Variants in SEL1L3 observed in about 807,000 individuals in gnomAD.
The protein encoded by SEL1L3 is protein sel-1 homolog 3.
SEL1L3 carries 76 observed loss-of-function variants against 142.8 expected under a neutral mutation model. That is an observed-to-expected ratio of 0.53 (90% CI 0.44 to 0.64). SEL1L3 has a LOEUF of 0.64. Among genes scored for constraint, SEL1L3 ranks in the 30% least tolerant of loss-of-function variants. The pLI is 0.00. For missense variants in SEL1L3, 1,262 were observed against 1,381.7 expected, an observed-to-expected ratio of 0.91 and a Z score of 1.37; for synonymous variants, 504 against 519.6, an observed-to-expected ratio of 0.97 and a Z score of 0.41.
Position 25,765,407 on chromosome 4 carries a change from GTAGTA to G in SEL1L3, c.2869_2873del (p.Tyr957LeufsTer31). 1 of 1,613,230 alleles carries G rather than the reference GTAGTA, an allele frequency of 6.2e-7. No individual in the cohort carries two copies. The highest frequency in any genetic ancestry group is 8.5e-7 in the Non-Finnish European group (1 of 1,179,194). On this transcript the variant is annotated frameshift_variant, in exon 20 of 24. Transcript: ENST00000399878. LOFTEE classifies it high-confidence loss of function. ...CTTGTGACTGGTTTTGGTGGCCATA[GTAGTA>G]AAGGTCTCCCATCTTCAAATATGCT...
downstream of SEL1L3, among the ~76,000 whole-genome samples, chr4:25,744,348 CTTTTTTT>C (rs35155388): frequency 3.0e-5 from 3 of 101,426 alleles, no homozygotes; most frequent in Non-Finnish European, 3.8e-5. Flanking sequence ...ATGTGTGAGT[CTTTTTTT>C]TTTTTTTTTT....
At chr4:25,847,993 A>G in intron 1 of SEL1L3, 129 bp from the exon 2 acceptor site, 1 of 646,528 alleles carries the variant, frequency 1.5e-6, no homozygotes, top group Non-Finnish European at 2.6e-6. Context: ...TGAATGCGGG[A>G]GATAAAAGAT....
chr4:25,819,127 A>T (rs1220820769), intron 8 of SEL1L3, among the ~76,000 whole-genome samples: 1 of 152,250 alleles, frequency 6.6e-6, no homozygotes, highest in East Asian at 1.9e-4. Flanking sequence ...TCAAACAGCA[A>T]GATCCACAGC....
intron 11 of SEL1L3, among the ~76,000 whole-genome samples, chr4:25,799,816 C>T (rs1431114338): frequency 2.0e-5 from 3 of 152,154 alleles, no homozygotes; most frequent in African/African-American, 7.2e-5. Flanking sequence ...TGTAAGAAAA[C>T]AGTCAGAGAT....
At chr4:25,831,510 AATTATT>A (rs71591516) in intron 5 of SEL1L3, among the ~76,000 whole-genome samples, 18,079 of 121,910 alleles carry the variant, frequency 0.15, 1,297 homozygotes, top group Middle Eastern at 0.21. Context: ...TAATAATAAT[AATTATT>A]ATTATTATTA....
chr4:25,831,222 T>A lies in SEL1L3; in HGVS notation c.1099-1066A>T, dbSNP rs917415714. ...GTGCTTTGCAAGTTGATGTCTAAAC[T>A]CCCTGATATCCAAGATTCTCTGCAT... On this transcript the variant is annotated intron_variant, in intron 5 of 23. Transcript: ENST00000399878. 3.9e-5 allele frequency among the ~76,000 whole-genome samples: 6 copies of A among 152,276 alleles called. No homozygotes were observed. In the East Asian group the frequency reaches 7.7e-4, roughly 20 times the overall value.
chr4:25,732,577 T>A, the SEL1L3 span, among the ~76,000 whole-genome samples: 11 of 152,238 alleles, frequency 7.2e-5, no homozygotes, highest in Non-Finnish European at 2.9e-5. Context: ...TTTCATTGAA[T>A]GATGACGTTC....
At chr4:25,777,654 A>G (rs1002068425) in intron 16 of SEL1L3, 14 of 363,474 alleles carry the variant, frequency 3.9e-5, no homozygotes, top group Middle Eastern at 8.3e-4. Flanking sequence ...CTCTGATCAC[A>G]GTGAAATTAA....
the SEL1L3 span, among the ~76,000 whole-genome samples, chr4:25,735,455 AT>A: frequency 6.7e-6 from 1 of 150,116 alleles, no homozygotes; most frequent in African/African-American, 2.4e-5. Flanking sequence ...AATGTTACTG[AT>A]TTTTTTCACA....
chr4:25,827,557 G>A (rs1193302389), intron 6 of SEL1L3, among the ~76,000 whole-genome samples: 1 of 152,146 alleles, frequency 6.6e-6, no homozygotes, highest in Non-Finnish European at 1.5e-5. Context: ...ATACATTTTT[G>A]TGTTTAAGCC....
chr4:25,778,497 G>A (rs1719787548), intron 16 of SEL1L3, among the ~76,000 whole-genome samples: 1 of 152,126 alleles, frequency 6.6e-6, no homozygotes, highest in African/African-American at 2.4e-5. Context: ...GTGCAAGAAA[G>A]GAAAAGTAAT....
At chr4:25,795,707 C>T (rs1712687965) in intron 11 of SEL1L3, among the ~76,000 whole-genome samples, 1 of 152,218 alleles carries the variant, frequency 6.6e-6, no homozygotes, top group Admixed American at 6.5e-5. Context: ...CTGCCACACC[C>T]AGGTGGGGGT....
chr4:25,823,489 G>A (rs560077359), intron 6 of SEL1L3, among the ~76,000 whole-genome samples: 3 of 152,080 alleles, frequency 2.0e-5, no homozygotes, highest in African/African-American at 7.2e-5. Context: ...ACTCCAACCT[G>A]GGTGACAAGA....
chr4:25,824,951 C>A (rs1054475316), intron 6 of SEL1L3, among the ~76,000 whole-genome samples: 4 of 152,038 alleles, frequency 2.6e-5, no homozygotes, highest in African/African-American at 9.7e-5. Flanking sequence ...TCTTTGCTTT[C>A]ATTTGGAAGA....
downstream of SEL1L3, among the ~76,000 whole-genome samples, chr4:25,743,916 T>C (rs1191118235): frequency 6.6e-6 from 1 of 152,188 alleles, no homozygotes; most frequent in African/African-American, 2.4e-5. Context: ...GACACTAGGC[T>C]TGTGGAAATT....
chr4:25,811,487 T>C (rs563637605), intron 9 of SEL1L3, among the ~76,000 whole-genome samples: 2 of 152,252 alleles, frequency 1.3e-5, no homozygotes, highest in Admixed American at 6.5e-5. Context: ...GCAGTCTGGA[T>C]TGGAGCTGCA....
intron 13 of SEL1L3, among the ~76,000 whole-genome samples, chr4:25,785,238 G>C (rs745780742): frequency 6.6e-6 from 1 of 152,194 alleles, no homozygotes. Context: ...ATAGTAAATG[G>C]AAACAGCGCT....
At chr4:25,845,508 A>G (rs1050509743) in intron 2 of SEL1L3, among the ~76,000 whole-genome samples, 1 of 152,180 alleles carries the variant, frequency 6.6e-6, no homozygotes, top group Non-Finnish European at 1.5e-5. Flanking sequence ...AACAAGAAAA[A>G]GTTTTGAAAA....
At chr4:25,811,537 G>A (rs191800271) in intron 9 of SEL1L3, among the ~76,000 whole-genome samples, 1 of 152,334 alleles carries the variant, frequency 6.6e-6, no homozygotes, top group African/African-American at 2.4e-5. Context: ...TCTCCTGGAA[G>A]TCAAATTCCT....
Sources: gnomAD v4.1 joint callset for allele counts (sites outside exome capture counted in the v4.1 genomes callset) on GRCh38, gnomAD v4.1.1 for gene constraint, MANE v1.5 for transcripts, NCBI Gene and HGNC (gene_info 2026-07-23, HGNC 2026-07-21) for gene names.